PRRX1: variants seen among roughly 807,000 people sequenced by gnomAD.
The protein encoded by PRRX1 is paired mesoderm homeobox protein 1.
In PRRX1, 8 loss-of-function variants were observed where a neutral mutation model predicts 24.0. That is an observed-to-expected ratio of 0.33 (90% confidence interval 0.20 to 0.60). The LOEUF (loss-of-function observed/expected upper bound fraction) is 0.60. Ranked by LOEUF, PRRX1 falls within the 20% of genes least tolerant of loss-of-function variation. PRRX1 has a pLI of 0.82. For synonymous variants in PRRX1, 160 were observed against 131.7 expected, an observed-to-expected ratio of 1.22 and a Z score of -1.47; for missense variants, 281 against 322.4, an observed-to-expected ratio of 0.87 and a Z score of 0.98.
chr1:170,688,005 A>G (rs973544393), intron 1 of PRRX1, among the ~76,000 whole-genome samples: 13 of 152,178 alleles, frequency 8.5e-5, no homozygotes, highest in African/African-American at 3.1e-4. Flanking sequence ...ATCATCAAGA[A>G]TATTTTGATT....
intron 1 of PRRX1, among the ~76,000 whole-genome samples, chr1:170,696,600 T>C (rs1654179061): frequency 1.3e-5 from 2 of 152,196 alleles, no homozygotes; most frequent in African/African-American, 4.8e-5. Context: ...TCCCTTTATT[T>C]ACATGCAAAT....
chr1:170,692,908 T>C (rs1213874451), intron 1 of PRRX1, among the ~76,000 whole-genome samples: 20 of 152,156 alleles, frequency 1.3e-4, no homozygotes, highest in Admixed American at 1.3e-3. Context: ...GGCCTAATCC[T>C]ATATATATGC....
intron 1 of PRRX1, among the ~76,000 whole-genome samples, chr1:170,709,276 A>G (rs1654669970): frequency 6.6e-6 from 1 of 152,228 alleles, no homozygotes; most frequent in African/African-American, 2.4e-5. Context: ...AGAAGGGGCC[A>G]TTAATGTAAA....
At chr1:170,730,591 G>A (rs1481781238) in intron 3 of PRRX1, 4 of 470,658 alleles carry the variant, frequency 8.5e-6, no homozygotes, top group Non-Finnish European at 1.5e-5. Flanking sequence ...GGGATCGCGT[G>A]ACTGTGCAAA....
chr1:170,686,736 A>G (rs1241361606), intron 1 of PRRX1, among the ~76,000 whole-genome samples: 2 of 152,154 alleles, frequency 1.3e-5, no homozygotes, highest in Non-Finnish European at 2.9e-5. Context: ...TTTAAAATCT[A>G]TAGTTGACAC....
At chr1:170,686,282 G>A (rs1194920269) in intron 1 of PRRX1, among the ~76,000 whole-genome samples, 4 of 152,012 alleles carry the variant, frequency 2.6e-5, no homozygotes, top group African/African-American at 9.7e-5. Context: ...CTAGCTTAGA[G>A]GACTAAAAAC....
At chr1:170,730,464 A>G in intron 3 of PRRX1, 1 of 817,858 alleles carries the variant, frequency 1.2e-6, no homozygotes, top group Admixed American at 2.0e-5. Context: ...GAAGTCCTCA[A>G]GTGAGGAATA....
intron 1 of PRRX1, among the ~76,000 whole-genome samples, chr1:170,667,174 G>C (rs1410753531): frequency 6.6e-6 from 1 of 152,176 alleles, no homozygotes; most frequent in Admixed American, 6.5e-5. Flanking sequence ...GGCTCAGAAA[G>C]AGGATGCTCT....
intron 1 of PRRX1, among the ~76,000 whole-genome samples, chr1:170,692,548 A>G (rs1334901492): frequency 6.6e-6 from 1 of 150,878 alleles, no homozygotes; most frequent in Non-Finnish European, 1.5e-5. Flanking sequence ...TCAGGCCACT[A>G]GAGTTCTACT....
intron 1 of PRRX1, among the ~76,000 whole-genome samples, chr1:170,717,263 C>T (rs1343977450): frequency 1.3e-5 from 2 of 152,218 alleles, no homozygotes; most frequent in Non-Finnish European, 2.9e-5. Context: ...CCCTTACTCC[C>T]ACATCAGGGG....
intron 1 of PRRX1, among the ~76,000 whole-genome samples, chr1:170,675,683 G>A (rs1329639394): frequency 6.6e-6 from 1 of 152,000 alleles, no homozygotes; most frequent in African/African-American, 2.4e-5. Flanking sequence ...TTTTTAATGT[G>A]ATAATTTCAG....
At chr1:170,712,736 G>A (rs1375342934) in intron 1 of PRRX1, among the ~76,000 whole-genome samples, 5 of 152,216 alleles carry the variant, frequency 3.3e-5, no homozygotes, top group Non-Finnish European at 4.4e-5. Flanking sequence ...GCTCAGACAA[G>A]TGAAACATCT....
At chr1:170,708,857 G>T (rs1318022991) in intron 1 of PRRX1, among the ~76,000 whole-genome samples, 1 of 152,200 alleles carries the variant, frequency 6.6e-6, no homozygotes, top group Non-Finnish European at 1.5e-5. Flanking sequence ...TTACAAAAAT[G>T]CAGTAAGCAG....
intron 3 of PRRX1, chr1:170,727,197 G>A (rs1655284863): frequency 6.6e-6 from 1 of 152,106 alleles, no homozygotes; most frequent in Non-Finnish European, 1.5e-5. Context: ...CATTTTTAAA[G>A]AAACAAATAT....
At chr1:170,730,254 C>T in intron 3 of PRRX1, 1 of 1,584,156 alleles carries the variant, frequency 6.3e-7, no homozygotes, top group Non-Finnish European at 8.7e-7. Context: ...GCTTATTTCT[C>T]CCTTTCACAC....
intron 1 of PRRX1, among the ~76,000 whole-genome samples, chr1:170,667,103 C>G (rs1652964285): frequency 6.6e-6 from 1 of 152,094 alleles, no homozygotes; most frequent in South Asian, 2.1e-4. Flanking sequence ...TACTCGGGCT[C>G]ATCTCAGAGT....
At chr1:170,676,331 CT>C (rs1286227407) in intron 1 of PRRX1, among the ~76,000 whole-genome samples, 9 of 128,082 alleles carry the variant, frequency 7.0e-5, no homozygotes, top group East Asian at 2.1e-4. Context: ...TCTCCCCTCT[CT>C]TTTTTTTTTC....
At chr1:170,714,062 T>C (rs1435279023) in intron 1 of PRRX1, among the ~76,000 whole-genome samples, 1 of 152,190 alleles carries the variant, frequency 6.6e-6, no homozygotes, top group Admixed American at 6.5e-5. Context: ...TCAGTCTATA[T>C]TGCAACAATC....
At chr1:170,717,887 T>C (rs959417711) in intron 1 of PRRX1, among the ~76,000 whole-genome samples, 1 of 152,218 alleles carries the variant, frequency 6.6e-6, no homozygotes, top group African/African-American at 2.4e-5. Flanking sequence ...GTGATGTTGG[T>C]TGGAATATTT....
Sources: gnomAD v4.1 joint callset for allele counts (sites outside exome capture counted in the v4.1 genomes callset) on GRCh38, gnomAD v4.1.1 for gene constraint, MANE v1.5 for transcripts, NCBI Gene and HGNC (gene_info 2026-07-23, HGNC 2026-07-21) for gene names.